The following SUGCT variants were observed in gnomAD, a reference collection of about 807,000 sequenced individuals.
The protein encoded by SUGCT is succinyl-CoA:glutarate CoA-transferase.
SUGCT carries 41 observed loss-of-function variants against 55.0 expected under a neutral mutation model. The ratio of observed to expected loss-of-function variants is 0.74; its 90% CI spans 0.58 to 0.97. The LOEUF is 0.97. SUGCT is among the 50% of genes least tolerant of loss of function. The pLI is 0.00. For synonymous variants in SUGCT, 187 were observed against 200.4 expected, an observed-to-expected ratio of 0.93 and a Z score of 0.56; for missense variants, 568 against 547.8, an observed-to-expected ratio of 1.04 and a Z score of -0.37.
At chr7:40,255,817 C>G (rs938865852) in intron 7 of SUGCT, among the ~76,000 whole-genome samples, 12 of 152,080 alleles carry the variant, frequency 7.9e-5, no homozygotes, top group African/African-American at 2.7e-4. Context: ...GGACCTTGGT[C>G]TTGATCTACT....
chr7:40,640,079 A>G (rs1800202880), intron 12 of SUGCT, among the ~76,000 whole-genome samples: 1 of 152,214 alleles, frequency 6.6e-6, no homozygotes, highest in Non-Finnish European at 1.5e-5. Flanking sequence ...TCAGAAAGAC[A>G]TAAAACAATT....
intron 9 of SUGCT, among the ~76,000 whole-genome samples, chr7:40,353,815 CCACTTGT>C (rs1797757417): frequency 6.6e-6 from 1 of 151,918 alleles, no homozygotes; most frequent in South Asian, 2.1e-4. Flanking sequence ...ACTTTTTTTT[CCACTTGT>C]CACTTACTTC....
intron 12 of SUGCT, among the ~76,000 whole-genome samples, chr7:40,579,337 C>T (rs1796951089): frequency 6.6e-6 from 1 of 152,082 alleles, no homozygotes; most frequent in East Asian, 1.9e-4. Context: ...TTATGACAAC[C>T]TGAGCCATGG....
intron 10 of SUGCT, 139 bp from the exon 11 acceptor site, chr7:40,458,962 C>A: frequency 1.7e-6 from 1 of 603,256 alleles, no homozygotes; most frequent in South Asian, 2.1e-5. Context: ...TTGTTCCCTC[C>A]ATATGTCCTT....
At chr7:40,708,884 T>TA (rs1360546359) in intron 12 of SUGCT, among the ~76,000 whole-genome samples, 1 of 152,208 alleles carries the variant, frequency 6.6e-6, no homozygotes, top group Non-Finnish European at 1.5e-5. Context: ...TTCATCTGTT[T>TA]ATTGCCAGTC....
At chr7:40,264,490 G>A (rs1791428933) in intron 7 of SUGCT, among the ~76,000 whole-genome samples, 1 of 152,166 alleles carries the variant, frequency 6.6e-6, no homozygotes, top group East Asian at 1.9e-4. Context: ...TAGTTGCAGA[G>A]TCTGTGCCCA....
At chr7:40,806,651 C>T (rs1291559076) in intron 13 of SUGCT, among the ~76,000 whole-genome samples, 1 of 152,052 alleles carries the variant, frequency 6.6e-6, no homozygotes, top group Admixed American at 6.6e-5. Context: ...TTCTAATTTC[C>T]ACATATTTGT....
rs1005478588 is a variant in SUGCT, at chr7:40,390,997, G to A, written c.817-58290G>A. On this transcript the variant is annotated intron_variant, in intron 9 of 13. Coordinates refer to ENST00000335693, the MANE Select transcript of SUGCT (RefSeq NM_001193313.2). Reference sequence around the variant, plus strand: ...CAATACCACACATCTACAACCATCTGTTCTTTGACAAACCTGACAGAAACA... The same window carrying A: ...CAATACCACACATCTACAACCATCTATTCTTTGACAAACCTGACAGAAACA... Among the ~76,000 whole-genome samples, 20 of 152,188 alleles carry A rather than the reference G, an allele frequency of 1.3e-4. 1 individual carries two copies. The highest frequency in any genetic ancestry group is 4.6e-4 in the African/African-American group (19 of 41,430).
At chr7:40,242,403 C>G (rs1254814570) in intron 7 of SUGCT, among the ~76,000 whole-genome samples, 1 of 152,024 alleles carries the variant, frequency 6.6e-6, no homozygotes, top group Non-Finnish European at 1.5e-5. Flanking sequence ...AACTCCTGAC[C>G]TCAAGTGATT....
intron 9 of SUGCT, among the ~76,000 whole-genome samples, chr7:40,399,371 C>CA (rs1785933802): frequency 1.3e-5 from 2 of 151,990 alleles, no homozygotes; most frequent in Non-Finnish European, 2.9e-5. Context: ...TGATAAGTGA[C>CA]AAAAAACCTA....
At chr7:40,567,616 G>C (rs1442524899) in intron 12 of SUGCT, among the ~76,000 whole-genome samples, 1 of 152,136 alleles carries the variant, frequency 6.6e-6, no homozygotes, top group African/African-American at 2.4e-5. Flanking sequence ...CTTAATGTGA[G>C]GGCTCTCAAG....
Position 40,169,679 on chromosome 7 carries a change from C to G in SUGCT, c.101-11268C>G, listed in dbSNP as rs191591833. On this transcript the variant is annotated intron_variant, in intron 1 of 13. Coordinates refer to ENST00000335693, the MANE Select transcript of SUGCT (RefSeq NM_001193313.2). Reference sequence around the variant, plus strand: ...CCTATTAGGCATTTGATTTGCCCAGCCTTTCGCTTTTCCAAAGCCTCCAAA... The same window carrying G: ...CCTATTAGGCATTTGATTTGCCCAGGCTTTCGCTTTTCCAAAGCCTCCAAA... 1.3e-3 allele frequency among the ~76,000 whole-genome samples: 200 copies of G among 152,206 alleles called. 2 individuals are homozygous for G. The highest frequency in any genetic ancestry group is 4.6e-3 in the African/African-American group (189 of 41,524).
At chr7:40,693,161 C>G (rs1784771572) in intron 12 of SUGCT, among the ~76,000 whole-genome samples, 1 of 152,158 alleles carries the variant, frequency 6.6e-6, no homozygotes, top group African/African-American at 2.4e-5. Context: ...GTCATTTCCC[C>G]CAGTACATTA....
At chr7:40,943,635 A>G in the SUGCT span, among the ~76,000 whole-genome samples, 44 of 150,382 alleles carry the variant, frequency 2.9e-4, no homozygotes, top group Non-Finnish European at 4.9e-4. Flanking sequence ...GCTGCATAGT[A>G]TTCATGGTGT....
At chr7:40,844,254 G>T (rs1793441062) in intron 13 of SUGCT, among the ~76,000 whole-genome samples, 1 of 152,058 alleles carries the variant, frequency 6.6e-6, no homozygotes, top group Admixed American at 6.5e-5. Flanking sequence ...CTCAGTGGAG[G>T]GTCAGGGTGA....
the SUGCT span, among the ~76,000 whole-genome samples, chr7:40,922,237 T>C: frequency 1.3e-5 from 2 of 152,222 alleles, no homozygotes; most frequent in African/African-American, 4.8e-5. Context: ...AGTAAAGTAT[T>C]TGTCACCTAT....
intron 6 of SUGCT, among the ~76,000 whole-genome samples, chr7:40,230,242 G>C (rs1338697625): frequency 9.9e-5 from 15 of 152,134 alleles, no homozygotes; most frequent in Admixed American, 9.8e-4. Context: ...CAAGTGAAAT[G>C]GCATGTATAG....
At chr7:40,662,877 G>A (rs1002220224) in intron 12 of SUGCT, among the ~76,000 whole-genome samples, 17 of 151,996 alleles carry the variant, frequency 1.1e-4, no homozygotes, top group South Asian at 1.0e-3. Context: ...ATCCTTTTTC[G>A]TTTGCTTCTT....
chr7:40,386,639 C>T (rs934754885), intron 9 of SUGCT, among the ~76,000 whole-genome samples: 1 of 152,106 alleles, frequency 6.6e-6, no homozygotes, highest in Admixed American at 6.5e-5. Context: ...CCTTTTCTAC[C>T]TTTCCAAAGT....
Sources: gnomAD v4.1 joint callset for allele counts (sites outside exome capture counted in the v4.1 genomes callset) on GRCh38, gnomAD v4.1.1 for gene constraint, MANE v1.5 for transcripts, NCBI Gene and HGNC (gene_info 2026-07-23, HGNC 2026-07-21) for gene names.